Variants in PNPLA8 observed in about 807,000 individuals in gnomAD.
PNPLA8 encodes the protein patatin like domain 8, phospholipase A2, also known as calcium-independent phospholipase A2-gamma.
Under a neutral mutation model 76.9 loss-of-function variants are expected in PNPLA8, and 39 were observed. That is an observed-to-expected ratio of 0.51 (90% CI 0.39 to 0.66). PNPLA8 has a LOEUF of 0.66. Among genes scored for constraint, PNPLA8 ranks in the 30% least tolerant of loss-of-function variants. The pLI, the probability that PNPLA8 is intolerant of heterozygous loss-of-function variation, is 0.00. For missense variants in PNPLA8, 887 were observed against 918.0 expected (o/e 0.97, Z 0.44); for synonymous variants, 301 against 307.9 (o/e 0.98, Z 0.24).
intron 4 of PNPLA8, chr7:108,510,370 G>T (rs1167119217): frequency 8.3e-6 from 13 of 1,563,966 alleles, no homozygotes; most frequent in Middle Eastern, 3.3e-4. Flanking sequence ...AGGCAAGGAG[G>T]AAGCTTATCT....
chr7:108,517,357 A>G (rs75670952), intron 2 of PNPLA8, among the ~76,000 whole-genome samples: 5,996 of 152,322 alleles, frequency 0.039, 152 homozygotes, highest in South Asian at 0.1. Flanking sequence ...AGCTTCTTAC[A>G]AAATTAAACA....
Position 108,472,174 on chromosome 7 carries a change from A to G in PNPLA8, c.*227T>C, listed in dbSNP as rs1217662493. 7.8e-5 allele frequency: 31 copies of G among 396,774 alleles called. No homozygotes were observed. The highest frequency in any genetic ancestry group is 2.3e-5 in the Non-Finnish European group (5 of 218,150). 24.6% of individuals were successfully genotyped at this position (396,774 alleles called of 1,614,324 possible). On this transcript the variant is annotated 3_prime_UTR_variant, in exon 11 of 11. Coordinates refer to ENST00000257694, the MANE Select transcript of PNPLA8 (RefSeq NM_001256007.3). ...ATCTACTAGCACAGTAAGGGTTACTAAAGCTTAGCTAATTATTAACATCTT... is the reference window on the plus strand; with the variant it reads ...ATCTACTAGCACAGTAAGGGTTACTGAAGCTTAGCTAATTATTAACATCTT...
At chr7:108,514,323 A>T in intron 3 of PNPLA8, 30 bp from the exon 4 acceptor site, 1 of 1,578,476 alleles carries the variant, frequency 6.3e-7, no homozygotes, top group Non-Finnish European at 8.6e-7. Flanking sequence ...AGATATGATT[A>T]GAATACAAAA....
chr7:108,491,452 A>T lies in PNPLA8; in HGVS notation c.1641T>A (p.Ser547=). Residue 547 remains serine, a synonymous_variant, in exon 8 of 11, where the codon TCT becomes TCA. Transcript: ENST00000257694. ...TTCTTGCTGTTTCAATCATCAGTGC[A>T]GATCCCATCCTATCCCTTTATTAAA... ...WENILKDRMG[S]ALMIETARNP... 1 of 1,603,090 alleles carries T rather than the reference A, an allele frequency of 6.2e-7. No homozygotes were observed. The highest frequency in any genetic ancestry group is 1.1e-5 in the South Asian group (1 of 90,838).
In PNPLA8 at chr7:108,516,919, A is replaced by AC. The variant is rs564681790; in HGVS notation, c.-83-1346_-83-1345insG. Among the ~76,000 whole-genome samples the AC allele has an allele frequency of 7.0e-4, 107 of 151,940 alleles. 1 individual carries two copies. The East Asian group carries it at 9.1e-3, about 13-fold the overall frequency. On this transcript the variant is annotated intron_variant, in intron 2 of 10. Transcript: ENST00000257694. ...TTTGTCTCAAAAACAAAACAAACAA[A>AC]AAAAAAACCAACCTTCTGCTCTGTG...
intron 10 of PNPLA8, among the ~76,000 whole-genome samples, chr7:108,477,039 C>A (rs1860048251): frequency 6.6e-6 from 1 of 152,128 alleles, no homozygotes; most frequent in Admixed American, 6.5e-5. Context: ...TTATGACTAC[C>A]TACTAGAGAT....
At chr7:108,474,061 T>C (rs554165824) in intron 10 of PNPLA8, among the ~76,000 whole-genome samples, 3 of 152,324 alleles carry the variant, frequency 2.0e-5, no homozygotes, top group South Asian at 2.1e-4. Context: ...CTTGATTATA[T>C]ATTATACCTC....
At position 108,491,444 on chromosome 7, in the gene PNPLA8, AT is replaced by A; in HGVS notation, c.1648del (p.Met550Ter). The part of the protein sequence containing the change: ...ILKDRMGSAL[M>X]IETARNPTCP... Reference sequence around the variant, plus strand: ...TGTGGGGTTTCTTGCTGTTTCAATCATCAGTGCAGATCCCATCCTATCCCTT... The same window carrying A: ...TGTGGGGTTTCTTGCTGTTTCAATCACAGTGCAGATCCCATCCTATCCCTT... On this transcript the variant is annotated frameshift_variant, in exon 8 of 11. Transcript: ENST00000257694. LOFTEE classifies it high-confidence loss of function. 1 of 1,605,460 alleles carries A rather than the reference AT, an allele frequency of 6.2e-7. No individual in the cohort carries two copies. Among genetic ancestry groups the A allele is most frequent in the East Asian group, 2.2e-5 (1 of 44,846 alleles).
At chr7:108,500,421 T>G (rs1427569759) in intron 5 of PNPLA8, among the ~76,000 whole-genome samples, 1 of 152,220 alleles carries the variant, frequency 6.6e-6, no homozygotes, top group African/African-American at 2.4e-5. Flanking sequence ...TTAAAGATTT[T>G]TCTCTCTTCA....
chr7:108,512,168 A>G (rs1284710378), intron 4 of PNPLA8, among the ~76,000 whole-genome samples: 1 of 152,224 alleles, frequency 6.6e-6, no homozygotes, highest in African/African-American at 2.4e-5. Context: ...ACTTTGCATG[A>G]GCCAGAAATA....
chr7:108,522,942 A>G (rs1014071167), intron 1 of PNPLA8, among the ~76,000 whole-genome samples: 11 of 152,238 alleles, frequency 7.2e-5, no homozygotes, highest in East Asian at 3.8e-4. Context: ...AACAAAATCA[A>G]TAAGTTTAAT....
At position 108,479,272 on chromosome 7, in the gene PNPLA8, ACGT is replaced by A; in HGVS notation, c.1983_1985del (p.Arg662del). On this transcript the variant is annotated inframe_deletion, in exon 10 of 11. Coordinates refer to ENST00000257694, the MANE Select transcript of PNPLA8 (RefSeq NM_001256007.3). ...CCGTGTTTCTCACATCACTCTCATA[ACGT>A]CCAGTGCCCAGGGATACTATGCACT... 1.2e-6 allele frequency: 2 copies of A among 1,613,012 alleles called. No individual in the cohort carries two copies. The highest frequency in any genetic ancestry group is 3.3e-5 in the Admixed American group (2 of 59,998).
Position 108,514,645 on chromosome 7 carries a change from T to G in PNPLA8, c.847A>C (p.Thr283Pro), listed in dbSNP as rs549406815. 6.2e-7 allele frequency: 1 copy of G among 1,614,042 alleles called. No homozygotes were observed. The highest frequency in any genetic ancestry group is 1.7e-5 in the Admixed American group (1 of 60,020). The change falls in exon 3 of 11, where the codon ACT (threonine) becomes CCT (proline). Residue 283 changes from threonine to proline, a missense_variant. By Grantham distance (38) the Thr-to-Pro change is conservative. Coordinates refer to ENST00000257694, the MANE Select transcript of PNPLA8 (RefSeq NM_001256007.3). ...AGAAAGTTAGCAATACTTTGTTTAGTTGAAACTTGAAGAACATCAGGTATC... is the reference window on the plus strand; with the variant it reads ...AGAAAGTTAGCAATACTTTGTTTAGGTGAAACTTGAAGAACATCAGGTATC... Reference protein sequence around the residue: ...SAIPDVLQVSTKQSIANFLSR... With the variant: ...SAIPDVLQVSPKQSIANFLSR...
At position 108,514,477 on chromosome 7, in the gene PNPLA8, TTC is replaced by T. The variant is rs1863156131; in HGVS notation, c.1013_1014del (p.Arg338LysfsTer22). 2 of 1,613,424 alleles carry T rather than the reference TTC, an allele frequency of 1.2e-6. No homozygotes were observed. Among genetic ancestry groups the T allele is most frequent in the African/African-American group, 1.3e-5 (1 of 74,886 alleles). On this transcript the variant is annotated frameshift_variant, in exon 3 of 11. Coordinates refer to ENST00000257694, the MANE Select transcript of PNPLA8 (RefSeq NM_001256007.3). LOFTEE classifies it high-confidence loss of function. Reference protein sequence around the residue: ...AKTDQAVSKDRNAEEKKRLSL... With the variant: ...AKTDQAVSKDXNAEEKKRLSL... ...GATAAACGCTTTTTCTCCTCTGCAT[TTC>T]TGTCTTTGCTGACAGCCTGATCAGT...
chr7:108,502,013 A>G lies in PNPLA8; in HGVS notation c.1358+478T>C, dbSNP rs143875443. 7.7e-3 allele frequency among the ~76,000 whole-genome samples: 1,172 copies of G among 152,278 alleles called. 10 individuals are homozygous for G. The highest frequency in any genetic ancestry group is 0.012 in the Non-Finnish European group (787 of 68,012). On this transcript the variant is annotated intron_variant, in intron 5 of 10. Coordinates refer to ENST00000257694, the MANE Select transcript of PNPLA8 (RefSeq NM_001256007.3). ...CCAAATCAAACCAAAGAACTGAAGT[A>G]TATGTCAGAGTAGCACTTAGATTAA...
Position 108,502,580 on chromosome 7 carries a change from T to G in PNPLA8, c.1269A>C (p.Ala423=). Residue 423 remains alanine (A), a synonymous_variant, in exon 5 of 11, where the codon GCA becomes GCC. Transcript: ENST00000257694. ...CAATTAGGGCCAAAATTTCTCTAACTGCAGCCTGAAGAGTTTCATCCTTAA... is the reference window on the plus strand; with the variant it reads ...CAATTAGGGCCAAAATTTCTCTAACGGCAGCCTGAAGAGTTTCATCCTTAA... ...RQIKDETLQA[A]VREILALIGY... 1 of 1,612,178 alleles carries G rather than the reference T, an allele frequency of 6.2e-7. No individual in the cohort carries two copies. Among genetic ancestry groups the G allele is most frequent in the Non-Finnish European group, 8.5e-7 (1 of 1,178,368 alleles).
chr7:108,479,452 A>T (rs1444818330), intron 9 of PNPLA8, 73 bp from the exon 10 acceptor site: 3 of 1,026,972 alleles, frequency 2.9e-6, no homozygotes, highest in Non-Finnish European at 4.3e-6. Flanking sequence ...GTAATAAGCT[A>T]AATAAATTAT....
intron 4 of PNPLA8, among the ~76,000 whole-genome samples, chr7:108,503,714 C>T (rs1862128164): frequency 6.6e-6 from 1 of 152,148 alleles, no homozygotes; most frequent in African/African-American, 2.4e-5. Context: ...AGGAAGTGAG[C>T]TGGTAAACTA....
intron 1 of PNPLA8, among the ~76,000 whole-genome samples, chr7:108,524,486 A>G (rs1863946840): frequency 6.6e-6 from 1 of 152,238 alleles, no homozygotes; most frequent in African/African-American, 2.4e-5. Context: ...GTAATGGATA[A>G]TGAACAGAAT....
Sources: gnomAD v4.1 joint callset for allele counts (sites outside exome capture counted in the v4.1 genomes callset) on GRCh38, gnomAD v4.1.1 for gene constraint, MANE v1.5 for transcripts, NCBI Gene and HGNC (gene_info 2026-07-23, HGNC 2026-07-21) for gene names.